The following SEMA3E variants were observed in gnomAD, a reference collection of about 807,000 sequenced individuals.
SEMA3E encodes the protein semaphorin-3E.
A neutral mutation model predicts 93.6 loss-of-function variants in SEMA3E; 49 were observed. The ratio of observed to expected loss-of-function variants is 0.52; its 90% confidence interval spans 0.42 to 0.66. The LOEUF (loss-of-function observed/expected upper bound fraction) is 0.66. Among genes scored for constraint, SEMA3E ranks in the 30% least tolerant of loss-of-function variants. The pLI, the probability that SEMA3E is intolerant of heterozygous loss-of-function variation, is 0.00. For missense variants in SEMA3E, 906 were observed against 964.8 expected (o/e 0.94, Z 0.81); for synonymous variants, 363 against 330.7 (o/e 1.10, Z -1.06).
intron 1 of SEMA3E, among the ~76,000 whole-genome samples, chr7:83,541,332 A>G (rs1584319326): frequency 2.6e-5 from 4 of 152,180 alleles, no homozygotes; most frequent in African/African-American, 7.2e-5. Context: ...ATAGCATTCA[A>G]CACAGTGCCT....
At chr7:83,594,732 G>C (rs1351115840) in intron 1 of SEMA3E, among the ~76,000 whole-genome samples, 1 of 152,014 alleles carries the variant, frequency 6.6e-6, no homozygotes, top group Non-Finnish European at 1.5e-5. Flanking sequence ...ATTTTAGTCT[G>C]TATATTTAAA....
intron 1 of SEMA3E, among the ~76,000 whole-genome samples, chr7:83,562,684 T>C (rs533280314): frequency 1.6e-4 from 24 of 152,212 alleles, no homozygotes; most frequent in Admixed American, 3.9e-4. Flanking sequence ...TGGTTTTAAC[T>C]GAACCTGGCT....
At chr7:83,401,715 T>C (rs1788237509) in intron 10 of SEMA3E, among the ~76,000 whole-genome samples, 2 of 152,090 alleles carry the variant, frequency 1.3e-5, no homozygotes, top group African/African-American at 4.8e-5. Flanking sequence ...TGTTTTCACT[T>C]TGGGTTTTTG....
chr7:83,527,167 C>T (rs890345573), intron 1 of SEMA3E, among the ~76,000 whole-genome samples: 2 of 148,192 alleles, frequency 1.3e-5, no homozygotes, highest in Non-Finnish European at 3.0e-5. Flanking sequence ...GCAGCAACCA[C>T]CATGAGCTAA....
chr7:83,588,130 T>C (rs141340266), intron 1 of SEMA3E, among the ~76,000 whole-genome samples: 14,705 of 152,150 alleles, frequency 0.097, 972 homozygotes, highest in East Asian at 0.2. Flanking sequence ...ATGCCTGTAA[T>C]CCCAGCACTT....
rs561065088 is a variant in SEMA3E, at chr7:83,421,542, T to C, written c.457-3059A>G. On this transcript the variant is annotated intron_variant, in intron 4 of 16. Transcript: ENST00000643230. The stretch of plus-strand genomic sequence containing the variant: ...AAAAATCAATATTGAAAAACTTGTA[T>C]AAAAAACTAATTTAAAATAGAACAT... Among the ~76,000 whole-genome samples the C allele has an allele frequency of 4.0e-4, 57 of 142,010 alleles. 8 individuals are homozygous for C. Among genetic ancestry groups the C allele is most frequent in the African/African-American group, 1.4e-3 (54 of 39,834 alleles). The allele number at this position is 142,010 out of a possible 152,430, so 93.2% of individuals were successfully genotyped here. A position where few individuals can be genotyped will look rare whatever the true frequency, so the allele number is the denominator to read the frequency against.
intron 1 of SEMA3E, among the ~76,000 whole-genome samples, chr7:83,532,225 C>G (rs532597274): frequency 5.3e-5 from 8 of 152,212 alleles, no homozygotes; most frequent in African/African-American, 1.9e-4. Flanking sequence ...GATTTGAGAA[C>G]ATAAAATGGA....
chr7:83,648,768 C>A lies in SEMA3E; in HGVS notation c.-226G>T. ...TATAAGCCGGGAGCAAGAGGACATT[C>A]CAAAGAGTGAGTCTTCAGAGCCATG... On this transcript the variant is annotated 5_prime_UTR_variant, in exon 1 of 17. The change creates a premature stop within an existing upstream ORF in the 5' untranslated region. Coordinates refer to ENST00000643230, the MANE Select transcript of SEMA3E (RefSeq NM_012431.3). 1.7e-6 allele frequency: 1 copy of A among 598,994 alleles called. No individual in the cohort carries two copies. The highest frequency in any genetic ancestry group is 2.9e-5 in the East Asian group (1 of 34,112). 37.1% of individuals were successfully genotyped at this position (598,994 alleles called of 1,614,324 possible).
chr7:83,607,179 A>G (rs1793142126), intron 1 of SEMA3E, among the ~76,000 whole-genome samples: 1 of 152,236 alleles, frequency 6.6e-6, no homozygotes, highest in Non-Finnish European at 1.5e-5. Flanking sequence ...CTGTACTTAC[A>G]TAACTTTTAA....
intron 1 of SEMA3E, among the ~76,000 whole-genome samples, chr7:83,610,461 A>G (rs1022938127): frequency 1.6e-4 from 24 of 152,142 alleles, no homozygotes; most frequent in Non-Finnish European, 3.4e-4. Context: ...TTTTAATCTT[A>G]TAGATATTAT....
chr7:83,457,849 A>G (rs1296485754), intron 4 of SEMA3E, among the ~76,000 whole-genome samples: 1 of 152,146 alleles, frequency 6.6e-6, no homozygotes, highest in Non-Finnish European at 1.5e-5. Context: ...TCTCTAACCA[A>G]CATAAATTTC....
intron 1 of SEMA3E, among the ~76,000 whole-genome samples, chr7:83,633,827 C>T (rs1793831762): frequency 6.6e-6 from 1 of 152,082 alleles, no homozygotes; most frequent in Non-Finnish European, 1.5e-5. Flanking sequence ...TGAGTGGAAA[C>T]TTGGAGCTTG....
chr7:83,420,212 A>G (rs1788646099), intron 4 of SEMA3E, among the ~76,000 whole-genome samples: 1 of 152,146 alleles, frequency 6.6e-6, no homozygotes, highest in South Asian at 2.1e-4. Flanking sequence ...ATAAAACCAG[A>G]ATATCTACAA....
chr7:83,611,307 ATAAATTTATGTAT>A (rs1793252896), intron 1 of SEMA3E, among the ~76,000 whole-genome samples: 4 of 144,244 alleles, frequency 2.8e-5, no homozygotes, highest in Non-Finnish European at 6.0e-5. Context: ...TATTATATAT[ATAAATTTATGTAT>A]AATATATAAA....
intron 16 of SEMA3E, among the ~76,000 whole-genome samples, chr7:83,369,522 A>C (rs1324719038): frequency 6.6e-6 from 1 of 152,302 alleles, no homozygotes; most frequent in Admixed American, 6.5e-5. Context: ...CAGAAGCTTC[A>C]GAGTGTCCTA....
chr7:83,478,213 G>A (rs969173842), intron 2 of SEMA3E, among the ~76,000 whole-genome samples: 16 of 152,198 alleles, frequency 1.1e-4, no homozygotes, highest in African/African-American at 2.9e-4. Flanking sequence ...GTGAGCCACC[G>A]TGCCGGGCCC....
intron 6 of SEMA3E, 91 bp downstream of exon 6, chr7:83,408,277 A>G: frequency 1.4e-6 from 2 of 1,434,326 alleles, no homozygotes; most frequent in Non-Finnish European, 1.9e-6. Flanking sequence ...AATTGTATTT[A>G]TATTCTTATT....
At chr7:83,618,236 T>C (rs147978887) in intron 1 of SEMA3E, among the ~76,000 whole-genome samples, 1 of 152,114 alleles carries the variant, frequency 6.6e-6, no homozygotes, top group East Asian at 1.9e-4. Context: ...GTTGAAAAAA[T>C]TGATGTTGAT....
chr7:83,550,586 T>G (rs1258649792), intron 1 of SEMA3E, among the ~76,000 whole-genome samples: 3 of 152,142 alleles, frequency 2.0e-5, no homozygotes, highest in African/African-American at 7.2e-5. Context: ...ATTCATTTAT[T>G]GAGAAAACAC....
Sources: gnomAD v4.1 joint callset for allele counts (sites outside exome capture counted in the v4.1 genomes callset) on GRCh38, gnomAD v4.1.1 for gene constraint, MANE v1.5 for transcripts, NCBI Gene and HGNC (gene_info 2026-07-23, HGNC 2026-07-21) for gene names.